The following VCAN variants were observed in gnomAD, a reference collection of about 807,000 sequenced individuals.
VCAN encodes the protein versican core protein.
Under a neutral mutation model 245.5 loss-of-function variants are expected in VCAN, and 44 were observed. The ratio of observed to expected loss-of-function variants is 0.18; its 90% CI spans 0.14 to 0.23. VCAN has a LOEUF of 0.23. Among genes scored for constraint, VCAN ranks in the 10% least tolerant of loss-of-function variants. VCAN has a pLI of 1.00. For synonymous variants in VCAN, 1,413 were observed against 1,437.0 expected, an observed-to-expected ratio of 0.98 and a Z score of 0.38; for missense variants, 3,793 against 4,057.9, an observed-to-expected ratio of 0.93 and a Z score of 1.77.
At chr5:83,472,850 G>C (rs1241555605) in intron 1 of VCAN, among the ~76,000 whole-genome samples, 1 of 152,166 alleles carries the variant, frequency 6.6e-6, no homozygotes, top group African/African-American at 2.4e-5. Context: ...TTCTGAATCG[G>C]CAGGGATGTG....
intron 6 of VCAN, among the ~76,000 whole-genome samples, chr5:83,513,347 A>G (rs1320321578): frequency 6.6e-6 from 1 of 152,220 alleles, no homozygotes; most frequent in Admixed American, 6.5e-5. Flanking sequence ...TGTTATAGCA[A>G]TATGTCTCTA....
Position 83,521,898 on chromosome 5 carries a change from A to G in VCAN, c.3592A>G (p.Thr1198Ala), listed in dbSNP as rs1746119556. ...AGCCACAGAACTCATAGAATTTTCA[A>G]CAATCAAAGTCACAGTTCCAAGTGA... is the stretch of plus-strand genomic sequence containing the variant. ...PKATELIEFSTIKVTVPSDIT... is the reference protein window; with the variant it reads ...PKATELIEFSAIKVTVPSDIT... The change falls in exon 7 of 15, where the codon ACA (threonine) becomes GCA (alanine). Residue 1198 changes from threonine to alanine, a missense_variant. Thr to Ala is a moderately conservative substitution (Grantham distance 58). Around this residue, in one of 5 missense-constraint regions of VCAN, gnomAD observed 3,182 missense variants for 3,250.3 expected, o/e 0.98. Coordinates refer to ENST00000265077, the MANE Select transcript of VCAN (RefSeq NM_004385.5). The G allele has an allele frequency of 1.2e-6, 2 of 1,614,086 alleles. No individual in the cohort carries two copies. Among genetic ancestry groups the G allele is most frequent in the Admixed American group, 1.7e-5 (1 of 60,010 alleles).
intron 7 of VCAN, among the ~76,000 whole-genome samples, chr5:83,526,733 A>G (rs1746315592): frequency 6.6e-6 from 1 of 152,230 alleles, no homozygotes; most frequent in African/African-American, 2.4e-5. Context: ...TGCTGAATAA[A>G]ACACATTAAA....
Position 83,521,353 on chromosome 5 carries a change from T to C in VCAN, c.3047T>C (p.Ile1016Thr). 1 of 1,614,062 alleles carries C rather than the reference T, an allele frequency of 6.2e-7. No homozygotes were observed. The highest frequency in any genetic ancestry group is 8.5e-7 in the Non-Finnish European group (1 of 1,179,980). The change falls in exon 7 of 15, where the codon ATT (isoleucine) becomes ACT (threonine). Residue 1016 changes from isoleucine (I) to threonine (T), a missense_variant. Physicochemically the swap from Ile to Thr is moderately conservative, Grantham distance 89 (BLOSUM62 -1). Around this residue, in one of 5 missense-constraint regions of VCAN, gnomAD observed 3,182 missense variants for 3,250.3 expected, o/e 0.98. Transcript: ENST00000265077. ...VIDQTRLEATISPETMRTTKI... is the reference protein window; with the variant it reads ...VIDQTRLEATTSPETMRTTKI... ...GATCAGACTCGCCTTGAAGCGACTA[T>C]TTCTCCAGAAACTATGAGAACAACA...
chr5:83,578,336 T>C (rs1318125928), intron 13 of VCAN, among the ~76,000 whole-genome samples: 1 of 151,112 alleles, frequency 6.6e-6, no homozygotes, highest in Non-Finnish European at 1.5e-5. Flanking sequence ...TACTTGAGGG[T>C]GGAGGATGGG....
At chr5:83,552,245 C>G (rs60035530) in intron 10 of VCAN, among the ~76,000 whole-genome samples, 4 of 152,140 alleles carry the variant, frequency 2.6e-5, no homozygotes, top group Admixed American at 1.3e-4. Flanking sequence ...CCAAAACTAA[C>G]GTATAAAGCA....
intron 6 of VCAN, among the ~76,000 whole-genome samples, chr5:83,513,549 C>G (rs576404339): frequency 6.6e-6 from 1 of 152,278 alleles, no homozygotes; most frequent in African/African-American, 2.4e-5. Context: ...TGATCTCCTC[C>G]CTTAGACTCA....
chr5:83,537,537 A>G lies in VCAN; in HGVS notation c.4534A>G (p.Ser1512Gly). Residue 1512 changes from serine to glycine, a missense_variant, in exon 8 of 15, where the codon AGT (serine) becomes GGT (glycine). Ser to Gly is a moderately conservative substitution (Grantham distance 56). This residue lies in a region of VCAN where 3,182 missense variants were observed against 3,250.3 expected (regional missense o/e 0.98). Transcript: ENST00000265077. ...PTVPFHEEFE[S>G]GTAKKGAESV... The stretch of plus-strand genomic sequence containing the variant: ...AGTCCCATTCCATGAGGAATTTGAA[A>G]GTGGAACAGCCAAAAAAGGGGCAGA... 6.2e-7 allele frequency: 1 copy of G among 1,613,924 alleles called. No individual in the cohort carries two copies. The highest frequency in any genetic ancestry group is 1.1e-5 in the South Asian group (1 of 91,074).
chr5:83,520,169 C>T lies in VCAN; in HGVS notation c.1863C>T (p.Asp621=), dbSNP rs1468547242. ...ATAATAATGGATCATCCATGGATGACTGGGAAGAGAGACAAACTAGTGGTA... is the reference window on the plus strand; with the variant it reads ...ATAATAATGGATCATCCATGGATGATTGGGAAGAGAGACAAACTAGTGGTA... ...MPDNNGSSMD[D]WEERQTSGRI... is the part of the protein sequence containing the mutation. The change falls in exon 7 of 15, where the codon GAC becomes GAT. Residue 621 remains aspartate, a synonymous_variant. Transcript: ENST00000265077. The T allele has an allele frequency of 3.7e-6, 6 of 1,613,892 alleles. No homozygotes were observed. The highest frequency in any genetic ancestry group is 1.6e-4 in the Middle Eastern group (1 of 6,082).
intron 12 of VCAN, chr5:83,562,428 C>T (rs1747901566): frequency 6.6e-6 from 1 of 152,114 alleles, no homozygotes; most frequent in South Asian, 2.1e-4. Context: ...CCTTGTCTTT[C>T]AGTTCAGATA....
At chr5:83,562,973 C>T (rs1747928029) in intron 12 of VCAN, among the ~76,000 whole-genome samples, 1 of 152,132 alleles carries the variant, frequency 6.6e-6, no homozygotes, top group Non-Finnish European at 1.5e-5. Context: ...ATTGTCTTTC[C>T]CGCACAGAGG....
At chr5:83,493,420 T>A (rs567188237) in intron 3 of VCAN, 126 bp from the exon 4 acceptor site, 1 of 1,255,536 alleles carries the variant, frequency 8.0e-7, no homozygotes, top group South Asian at 1.3e-5. Flanking sequence ...GAAGTAAAAG[T>A]AAATAATTAT....
At position 83,541,119 on chromosome 5, in the gene VCAN, A is replaced by G. The variant is rs1746966667; in HGVS notation, c.8116A>G (p.Ile2706Val). Residue 2706 changes from isoleucine to valine, a missense_variant, in exon 8 of 15, where the codon ATT becomes GTT. By Grantham distance (29) the Ile-to-Val change is conservative. Around this residue, in one of 5 missense-constraint regions of VCAN, gnomAD observed 3,182 missense variants for 3,250.3 expected, o/e 0.98. Coordinates refer to ENST00000265077, the MANE Select transcript of VCAN (RefSeq NM_004385.5). Reference sequence around the variant, plus strand: ...TAAGTCTGCCACAGTTATTCCAGAGATTGAAGGAATAAAAGCTGAAGCAAA... The same window carrying G: ...TAAGTCTGCCACAGTTATTCCAGAGGTTGAAGGAATAAAAGCTGAAGCAAA... ...PRKSATVIPE[I>V]EGIKAEAKAL... The G allele has an allele frequency of 2.5e-6, 4 of 1,614,028 alleles. No homozygotes were observed. In the African/African-American group the frequency reaches 4.0e-5, roughly 16 times the overall value.
In VCAN at chr5:83,540,763, A is replaced by C; in HGVS notation, c.7760A>C (p.Tyr2587Ser). 2 of 1,614,062 alleles carry C rather than the reference A, an allele frequency of 1.2e-6. No homozygotes were observed. The highest frequency in any genetic ancestry group is 3.3e-4 in the Middle Eastern group (2 of 6,062). The change falls in exon 8 of 15, where the codon TAT becomes TCT. Residue 2587 changes from tyrosine to serine, a missense_variant. By Grantham distance (144) the Tyr-to-Ser change is moderately radical. Transcript: ENST00000265077. ...IIDIDHTKPV[Y>S]EDILGMQTDI... ...GATATTGATCATACTAAACCTGTGT[A>C]TGAAGACATTCTTGGAATGCAAACA...
chr5:83,541,069 C>G lies in VCAN; in HGVS notation c.8066C>G (p.Thr2689Arg). Residue 2689 changes from threonine to arginine, a missense_variant, in exon 8 of 15, where the codon ACG becomes AGG. Physicochemically the swap from Thr to Arg is moderately conservative, Grantham distance 71. This residue lies in a region of VCAN where 3,182 missense variants were observed against 3,250.3 expected (regional missense o/e 0.98). Transcript: ENST00000265077. Reference sequence around the variant, plus strand: ...ACAGAATTAGACGTTTTACTTCCCACGGCAACATCCCTGCCAATTCCTCGT... The same window carrying G: ...ACAGAATTAGACGTTTTACTTCCCAGGGCAACATCCCTGCCAATTCCTCGT... The part of the protein sequence containing the change: ...TETELDVLLP[T>R]ATSLPIPRKS... The G allele has an allele frequency of 6.2e-7, 1 of 1,614,050 alleles. No homozygotes were observed. The highest frequency in any genetic ancestry group is 8.5e-7 in the Non-Finnish European group (1 of 1,179,984).
chr5:83,506,676 T>C (rs891854546), intron 5 of VCAN, among the ~76,000 whole-genome samples: 17 of 152,228 alleles, frequency 1.1e-4, no homozygotes, highest in Admixed American at 4.6e-4. Flanking sequence ...GGGTATCTTT[T>C]CAGCAACACC....
chr5:83,504,098 T>TC (rs1484397428), intron 5 of VCAN, among the ~76,000 whole-genome samples: 1 of 152,240 alleles, frequency 6.6e-6, no homozygotes, highest in Non-Finnish European at 1.5e-5. Context: ...GAGTATTTTT[T>TC]CCCTTAATTT....
Position 83,519,607 on chromosome 5 carries a change from G to T in VCAN, c.1301G>T (p.Trp434Leu). The T allele has an allele frequency of 6.2e-7, 1 of 1,614,096 alleles. No homozygotes were observed. Among genetic ancestry groups the T allele is most frequent in the Non-Finnish European group, 8.5e-7 (1 of 1,179,980 alleles). ...PTPTGSTKKP[W>L]DMDDYSPSAS... ...CCTACTGGCAGTACCAAGAAGCCCT[G>T]GGATATGGATGACTACTCACCTTCT... Residue 434 changes from tryptophan (W) to leucine (L), a missense_variant, in exon 7 of 15, where the codon TGG becomes TTG. By Grantham distance (61) the Trp-to-Leu change is moderately conservative. This residue lies in a region of VCAN where 3,182 missense variants were observed against 3,250.3 expected (regional missense o/e 0.98). Coordinates refer to ENST00000265077, the MANE Select transcript of VCAN (RefSeq NM_004385.5).
intron 11 of VCAN, among the ~76,000 whole-genome samples, chr5:83,554,230 T>C (rs750989861): frequency 7.9e-5 from 12 of 152,346 alleles, no homozygotes; most frequent in Non-Finnish European, 1.5e-4. Flanking sequence ...CTTGAACTAC[T>C]GGCCTCAAGT....
Sources: gnomAD v4.1 joint callset for allele counts (sites outside exome capture counted in the v4.1 genomes callset) on GRCh38, gnomAD v4.1.1 for gene constraint, gnomAD v4.1.1 regional missense constraint, MANE v1.5 for transcripts, NCBI Gene and HGNC (gene_info 2026-07-23, HGNC 2026-07-21) for gene names.